The following CLASP2 variants were observed in gnomAD, a reference collection of about 807,000 sequenced individuals.
CLASP2 encodes the protein cytoplasmic linker associated protein 2.
Under a neutral mutation model 194.4 loss-of-function variants are expected in CLASP2, and 47 were observed. The observed-to-expected ratio is 0.24, with a 90% CI of 0.19 to 0.31. CLASP2 has a LOEUF of 0.31. Ranked by LOEUF, CLASP2 falls within the 10% of genes least tolerant of loss-of-function variation. CLASP2 has a pLI of 1.00. For synonymous variants in CLASP2, 619 were observed against 633.5 expected (o/e 0.98, Z 0.34); for missense variants, 1,445 against 1,823.6 (o/e 0.79, Z 3.78).
In CLASP2 at chr3:33,619,641, C is replaced by T; in HGVS notation, c.1279G>A (p.Ala427Thr). 6.4e-7 allele frequency: 1 copy of T among 1,553,264 alleles called. No individual in the cohort carries two copies. Among genetic ancestry groups the T allele is most frequent in the Non-Finnish European group, 8.7e-7 (1 of 1,147,988 alleles). Residue 427 changes from alanine to threonine, a missense_variant, in exon 12 of 39, where the codon GCA becomes ACA. Physicochemically the swap from Ala to Thr is moderately conservative, Grantham distance 58. Coordinates refer to ENST00000682230, the MANE Select transcript of CLASP2 (RefSeq NM_001365631.1). ...CTGATTGCTGCACATCCAGAAGTTGCCATGACTTTTGCACTATTGGGGACG... is the reference window on the plus strand; with the variant it reads ...CTGATTGCTGCACATCCAGAAGTTGTCATGACTTTTGCACTATTGGGGACG... ...NLVPNSAKVM[A>T]TSGCAAIRFI...
chr3:33,500,475 C>T (rs1301702861), intron 38 of CLASP2, among the ~76,000 whole-genome samples: 1 of 152,120 alleles, frequency 6.6e-6, no homozygotes, highest in Admixed American at 6.5e-5. Context: ...ACTCTTTGAT[C>T]CAAGAGTTTT....
At chr3:33,526,694 A>G (rs2054652487) in intron 34 of CLASP2, among the ~76,000 whole-genome samples, 1 of 152,214 alleles carries the variant, frequency 6.6e-6, no homozygotes, top group Non-Finnish European at 1.5e-5. Context: ...TCATCATCAC[A>G]TGGCACATAC....
At chr3:33,500,242 C>T (rs1349485219) in intron 38 of CLASP2, among the ~76,000 whole-genome samples, 1 of 151,962 alleles carries the variant, frequency 6.6e-6, no homozygotes, top group Non-Finnish European at 1.5e-5. Flanking sequence ...CCTATGTTGA[C>T]CAGGCTGGTC....
At chr3:33,663,625 T>G (rs1045966232) in intron 6 of CLASP2, 110 bp from the exon 7 acceptor site, 2 of 695,014 alleles carry the variant, frequency 2.9e-6, no homozygotes, top group Non-Finnish European at 4.9e-6. Flanking sequence ...GGGATTCAGC[T>G]AGTTTTCTAT....
intron 26 of CLASP2, among the ~76,000 whole-genome samples, chr3:33,570,004 A>G (rs1038875288): frequency 6.6e-6 from 1 of 152,186 alleles, no homozygotes; most frequent in Admixed American, 6.5e-5. Context: ...TCTCCCGCTC[A>G]CTTAGGTTAG....
chr3:33,537,876 T>C (rs1346225468), intron 33 of CLASP2, among the ~76,000 whole-genome samples: 2 of 152,198 alleles, frequency 1.3e-5, no homozygotes, highest in Non-Finnish European at 2.9e-5. Context: ...GCGCAGTGGC[T>C]CACACCTGTA....
chr3:33,676,842 T>G (rs1314224807), intron 6 of CLASP2, among the ~76,000 whole-genome samples: 1 of 152,040 alleles, frequency 6.6e-6, no homozygotes, highest in African/African-American at 2.4e-5. Context: ...ACAATGAACT[T>G]GAACAAATTT....
chr3:33,587,527 T>C (rs1167197277), intron 21 of CLASP2, among the ~76,000 whole-genome samples: 1 of 152,234 alleles, frequency 6.6e-6, no homozygotes, highest in East Asian at 1.9e-4. Context: ...TGAAACTTAT[T>C]TCCTATTAGT....
At chr3:33,534,613 A>C (rs66543862) in intron 34 of CLASP2, among the ~76,000 whole-genome samples, 40,348 of 151,970 alleles carry the variant, frequency 0.27, 5,981 homozygotes, top group Admixed American at 0.39. Context: ...CTATATCATC[A>C]GTTTTTATAC....
At chr3:33,638,729 C>A (rs1020054425) in intron 8 of CLASP2, among the ~76,000 whole-genome samples, 11 of 152,196 alleles carry the variant, frequency 7.2e-5, no homozygotes, top group Non-Finnish European at 1.0e-4. Context: ...ACCAAGTCAA[C>A]TATATTAGAA....
At chr3:33,665,796 C>T (rs1020595528) in intron 6 of CLASP2, among the ~76,000 whole-genome samples, 5 of 151,926 alleles carry the variant, frequency 3.3e-5, no homozygotes, top group Non-Finnish European at 7.4e-5. Flanking sequence ...AAAACAAACG[C>T]ATTTATAATA....
At chr3:33,715,315 C>G (rs1265609769) in intron 1 of CLASP2, among the ~76,000 whole-genome samples, 1 of 152,196 alleles carries the variant, frequency 6.6e-6, no homozygotes, top group Non-Finnish European at 1.5e-5. Flanking sequence ...TCTGTTAAGT[C>G]ACCTTCTCAA....
At chr3:33,560,189 T>G (rs923518579) in intron 28 of CLASP2, among the ~76,000 whole-genome samples, 4 of 152,142 alleles carry the variant, frequency 2.6e-5, no homozygotes, top group Non-Finnish European at 4.4e-5. Flanking sequence ...ATACTTTTTA[T>G]AGTAGACTAA....
intron 33 of CLASP2, among the ~76,000 whole-genome samples, chr3:33,536,496 G>GT (rs1223009998): frequency 3.9e-5 from 6 of 152,220 alleles, no homozygotes; most frequent in Non-Finnish European, 8.8e-5. Flanking sequence ...AACGTGCATA[G>GT]TAAGTTCAAG....
Position 33,559,302 on chromosome 3 carries a change from T to TTTA in CLASP2, c.3009+2_3009+4dup. On this transcript the variant is annotated splice_donor_region_variant and intron_variant, in intron 29 of 38. Coordinates refer to ENST00000682230, the MANE Select transcript of CLASP2 (RefSeq NM_001365631.1). Reference sequence around the variant, plus strand: ...TAATGTCTTCAAAAGATCTCAAAGTTTTACCTTTAAGCTTGGTGTCTGGGT... The same window carrying TTTA: ...TAATGTCTTCAAAAGATCTCAAAGTTTTATTACCTTTAAGCTTGGTGTCTGGGT... The TTTA allele has an allele frequency of 6.6e-7, 1 of 1,521,054 alleles. No individual in the cohort carries two copies. The highest frequency in any genetic ancestry group is 1.4e-5 in the African/African-American group (1 of 73,102). The allele number at this position is 1,521,054 out of a possible 1,614,324, so 94.2% of individuals were successfully genotyped here. A position where few individuals can be genotyped will look rare whatever the true frequency, so the allele number is the denominator to read the frequency against.
Position 33,570,741 on chromosome 3 carries a change from C to T in CLASP2, c.2749G>A (p.Asp917Asn). ...LCEIFTRMFA[D>N]PHGKRVFSMF... ...CTAAAACATACCTTGCCATGAGGGT[C>T]AGCAAACATTCTTGTGAAAATTTCA... Residue 917 changes from aspartate (D) to asparagine (N), a missense_variant, in exon 26 of 39, where the codon GAC becomes AAC. Physicochemically the swap from Asp to Asn is conservative, Grantham distance 23. Transcript: ENST00000682230. 6.3e-7 allele frequency: 1 copy of T among 1,592,832 alleles called. No individual in the cohort carries two copies. The highest frequency in any genetic ancestry group is 8.6e-7 in the Non-Finnish European group (1 of 1,169,128).
At chr3:33,516,881 A>G in intron 35 of CLASP2, 100 bp downstream of exon 35, 477 of 867,316 alleles carry the variant, frequency 5.5e-4, no homozygotes, top group Non-Finnish European at 7.9e-4. Flanking sequence ...AGCAGAAGAG[A>G]TTCATTCTCC....
At chr3:33,540,887 C>G (rs1249862125) in intron 32 of CLASP2, among the ~76,000 whole-genome samples, 1 of 151,904 alleles carries the variant, frequency 6.6e-6, no homozygotes, top group African/African-American at 2.4e-5. Flanking sequence ...ATTTTCCTGC[C>G]TCATCCTCCT....
Position 33,622,506 on chromosome 3 carries a change from C to T in CLASP2, c.1036-226G>A, listed in dbSNP as rs144956274. On this transcript the variant is annotated intron_variant, in intron 10 of 38. Coordinates refer to ENST00000682230, the MANE Select transcript of CLASP2 (RefSeq NM_001365631.1). ...AACATTACAGACTTAGTTATAAGCA[C>T]GACGGAGAAATGTAAACTATAAGTA... 1.4e-3 allele frequency among the ~76,000 whole-genome samples: 215 copies of T among 152,136 alleles called. 1 individual carries two copies. The highest frequency in any genetic ancestry group is 3.6e-3 in the African/African-American group (150 of 41,506).
Sources: gnomAD v4.1 joint callset for allele counts (sites outside exome capture counted in the v4.1 genomes callset) on GRCh38, gnomAD v4.1.1 for gene constraint, MANE v1.5 for transcripts, NCBI Gene and HGNC (gene_info 2026-07-23, HGNC 2026-07-21) for gene names.